The following CDH18 variants were observed in gnomAD, a reference collection of about 807,000 sequenced individuals.
CDH18 encodes the protein cadherin-18.
CDH18 carries 31 observed loss-of-function variants against 67.9 expected under a neutral mutation model. The observed-to-expected ratio is 0.46, with a 90% CI of 0.34 to 0.62. The LOEUF is 0.62. Ranked by LOEUF, CDH18 falls within the 20% of genes least tolerant of loss-of-function variation. The pLI is 0.01. For synonymous variants in CDH18, 362 were observed against 347.2 expected, an observed-to-expected ratio of 1.04 and a Z score of -0.48; for missense variants, 890 against 975.5, an observed-to-expected ratio of 0.91 and a Z score of 1.17.
intron 1 of CDH18, among the ~76,000 whole-genome samples, chr5:20,467,356 C>A (rs1029727093): frequency 6.6e-6 from 1 of 151,812 alleles, no homozygotes; most frequent in Non-Finnish European, 1.5e-5. Flanking sequence ...CTCTTCATGG[C>A]CAAATGTGCT....
chr5:20,295,209 G>T (rs578075177), intron 1 of CDH18, among the ~76,000 whole-genome samples: 2 of 152,152 alleles, frequency 1.3e-5, no homozygotes, highest in African/African-American at 4.8e-5. Context: ...AAGAAGTTTT[G>T]TGATTTTATA....
At chr5:19,714,922 A>G (rs1765163594) in intron 5 of CDH18, among the ~76,000 whole-genome samples, 1 of 152,100 alleles carries the variant, frequency 6.6e-6, no homozygotes, top group East Asian at 1.9e-4. Context: ...AATGGGTTAT[A>G]AAAAGATAAA....
chr5:19,680,235 T>A (rs557520171), intron 5 of CDH18, among the ~76,000 whole-genome samples: 1 of 152,016 alleles, frequency 6.6e-6, no homozygotes, highest in African/African-American at 2.4e-5. Flanking sequence ...TGCAGAAGAT[T>A]GAAACTGGAT....
At chr5:19,627,889 G>C (rs1482493556) in intron 5 of CDH18, among the ~76,000 whole-genome samples, 1 of 152,184 alleles carries the variant, frequency 6.6e-6, no homozygotes, top group Non-Finnish European at 1.5e-5. Context: ...GATGATATCA[G>C]AATGATGATG....
intron 2 of CDH18, among the ~76,000 whole-genome samples, chr5:20,162,957 G>A (rs1386573395): frequency 1.3e-5 from 2 of 151,996 alleles, no homozygotes; most frequent in African/African-American, 4.8e-5. Flanking sequence ...TACTTGGTAG[G>A]CTGGGGCCGG....
intron 1 of CDH18, among the ~76,000 whole-genome samples, chr5:20,512,684 G>C (rs980249160): frequency 3.3e-5 from 5 of 152,008 alleles, no homozygotes; most frequent in Non-Finnish European, 7.4e-5. Context: ...AGGAGTTCGA[G>C]ACCAGCCTGG....
At chr5:20,299,275 C>A (rs1437997275) in intron 1 of CDH18, among the ~76,000 whole-genome samples, 1 of 152,028 alleles carries the variant, frequency 6.6e-6, no homozygotes, top group Non-Finnish European at 1.5e-5. Context: ...TTGAATTCTG[C>A]ACAAAATGGA....
At chr5:20,544,730 G>A (rs138773498) in intron 1 of CDH18, among the ~76,000 whole-genome samples, 1 of 152,254 alleles carries the variant, frequency 6.6e-6, no homozygotes, top group African/African-American at 2.4e-5. Flanking sequence ...TACAACCCAA[G>A]ATGAGATTTG....
At chr5:20,295,295 C>T (rs1010403037) in intron 1 of CDH18, among the ~76,000 whole-genome samples, 1 of 152,052 alleles carries the variant, frequency 6.6e-6, no homozygotes, top group African/African-American at 2.4e-5. Context: ...TATAATACTG[C>T]CTTAGATAAT....
chr5:19,691,213 T>C (rs1440069503), intron 5 of CDH18, among the ~76,000 whole-genome samples: 2 of 151,652 alleles, frequency 1.3e-5, no homozygotes, highest in East Asian at 3.9e-4. Context: ...AAAATTAACA[T>C]TCCTAACATT....
chr5:20,186,896 T>C (rs1738144735), intron 2 of CDH18, among the ~76,000 whole-genome samples: 1 of 151,882 alleles, frequency 6.6e-6, no homozygotes, highest in African/African-American at 2.4e-5. Context: ...GCAAACCAAG[T>C]GTCCATCAAT....
At chr5:19,936,239 A>C (rs2150215234) in intron 2 of CDH18, among the ~76,000 whole-genome samples, 1 of 151,372 alleles carries the variant, frequency 6.6e-6, no homozygotes, top group Non-Finnish European at 1.5e-5. Flanking sequence ...CTTCGGTATA[A>C]AAAGTGCAAC....
At chr5:20,542,112 ATTTTTG>A (rs1216291987) in intron 1 of CDH18, among the ~76,000 whole-genome samples, 1 of 152,024 alleles carries the variant, frequency 6.6e-6, no homozygotes, top group African/African-American at 2.4e-5. Context: ...CGCCTAGCTA[ATTTTTG>A]TATTTTTAAT....
chr5:20,164,145 T>C (rs2126622830), intron 2 of CDH18, among the ~76,000 whole-genome samples: 1 of 152,286 alleles, frequency 6.6e-6, no homozygotes, highest in South Asian at 2.1e-4. Context: ...TTTTATTGGA[T>C]CATGTTGTTT....
intron 2 of CDH18, among the ~76,000 whole-genome samples, chr5:20,095,310 AG>A (rs1745801964): frequency 1.3e-4 from 1 of 7,898 alleles, no homozygotes; most frequent in African/African-American, 3.3e-4. Context: ...AAAGAAAGAA[AG>A]AAAGAAAGAA....
chr5:20,222,118 A>T (rs1741275628), intron 2 of CDH18, among the ~76,000 whole-genome samples: 1 of 152,172 alleles, frequency 6.6e-6, no homozygotes, highest in South Asian at 2.1e-4. Context: ...ATGATAGCAG[A>T]GTCCATGAAG....
intron 2 of CDH18, among the ~76,000 whole-genome samples, chr5:19,933,853 G>A (rs1018288748): frequency 6.6e-6 from 1 of 151,246 alleles, no homozygotes; most frequent in East Asian, 1.9e-4. Flanking sequence ...TGTCATTTAG[G>A]AAAGAGATAA....
rs1735899872 is a variant in CDH18, at chr5:19,544,092, A to C, written c.1254-87T>G. ...GGAAAGTATTATATCTAAATACATT[A>C]AAATATTCAAATATACTTTTAAATT... On this transcript the variant is annotated intron_variant, in intron 8 of 12. Transcript: ENST00000382275. 2.2e-5 allele frequency: 11 copies of C among 500,110 alleles called. No homozygotes were observed. The South Asian group carries it at 6.3e-4, about 29-fold the overall frequency. 31.0% of individuals were successfully genotyped at this position (500,110 alleles called of 1,614,324 possible).
chr5:20,486,968 G>A (rs1409531415), intron 1 of CDH18, among the ~76,000 whole-genome samples: 1 of 152,176 alleles, frequency 6.6e-6, no homozygotes, highest in Non-Finnish European at 1.5e-5. Flanking sequence ...CCTTCCGGCA[G>A]TGGTTGTGGC....
Sources: gnomAD v4.1 joint callset for allele counts (sites outside exome capture counted in the v4.1 genomes callset) on GRCh38, gnomAD v4.1.1 for gene constraint, MANE v1.5 for transcripts, NCBI Gene and HGNC (gene_info 2026-07-23, HGNC 2026-07-21) for gene names.